Variants in CLIC2 observed in about 807,000 individuals in gnomAD.
CLIC2 encodes the protein CLIC family member 2.
In CLIC2, 9 loss-of-function variants were observed where a neutral mutation model predicts 14.8. The observed-to-expected ratio is 0.61, with a 90% CI of 0.37 to 1.06. CLIC2 has a LOEUF of 1.06. CLIC2 is among the 50% of genes least tolerant of loss of function. The pLI is 0.01. For missense variants in CLIC2, 148 were observed against 181.4 expected (o/e 0.82, Z 1.06); for synonymous variants, 61 against 66.3 (o/e 0.92, Z 0.39).
intron 1 of CLIC2, 87 bp downstream of exon 1, chrX:155,334,284 C>G (rs939787529): frequency 2.7e-6 from 2 of 753,393 alleles, no homozygotes; most frequent in South Asian, 4.2e-5. Flanking sequence ...ATCTCTAGCC[C>G]AAATGTGGAG....
chrX:155,292,606 T>A (rs2074973735), intron 3 of CLIC2: 1 of 291,459 alleles, frequency 3.4e-6, no homozygotes, highest in Non-Finnish European at 6.0e-6. Flanking sequence ...CCGTCTCTAC[T>A]AAAAATACAA....
At chrX:155,293,843 C>T (rs1460569548) in intron 3 of CLIC2, among the ~76,000 whole-genome samples, 1 of 111,189 alleles carries the variant, frequency 9.0e-6, no homozygotes, top group East Asian at 2.8e-4. Flanking sequence ...GACAGATCAA[C>T]CCAGCAAAAA....
chrX:155,310,464 T>A (rs997402734), intron 1 of CLIC2: 3 of 271,885 alleles, frequency 1.1e-5, no homozygotes, highest in Non-Finnish European at 2.2e-5. Context: ...ACACTTGCAT[T>A]TGCATTTTTC....
intron 3 of CLIC2, chrX:155,290,551 G>A: frequency 1.7e-6 from 1 of 581,401 alleles, no homozygotes. Context: ...TCTAGCAGAG[G>A]GCTCTTGCAG....
intron 1 of CLIC2, among the ~76,000 whole-genome samples, chrX:155,332,941 C>T (rs1444514832): frequency 2.7e-5 from 3 of 112,157 alleles, no homozygotes; most frequent in African/African-American, 9.7e-5. Flanking sequence ...ATGTAAAAAG[C>T]CAGTTAGGAA....
At chrX:155,289,626 G>T (rs1303103278) in intron 3 of CLIC2, among the ~76,000 whole-genome samples, 5 of 111,678 alleles carry the variant, frequency 4.5e-5, no homozygotes, top group Middle Eastern at 4.2e-3. Flanking sequence ...CCTTTTGAAT[G>T]ATATTAATTT....
chrX:155,300,406 C>T (rs1158849061), intron 1 of CLIC2, among the ~76,000 whole-genome samples: 2 of 110,925 alleles, frequency 1.8e-5, no homozygotes, highest in Non-Finnish European at 3.8e-5. Flanking sequence ...TGTCCTTTGC[C>T]CACTTTTTGA....
At chrX:155,310,789 A>G (rs1290460786) in intron 1 of CLIC2, among the ~76,000 whole-genome samples, 5 of 112,540 alleles carry the variant, frequency 4.4e-5, no homozygotes, top group African/African-American at 1.6e-4. Flanking sequence ...ATTTCCATAC[A>G]TTCTCTGAAA....
intron 3 of CLIC2, among the ~76,000 whole-genome samples, chrX:155,297,860 CAAA>C (rs200891873): frequency 0.036 from 185 of 5,117 alleles, 25 homozygotes; most frequent in African/African-American, 0.077. Flanking sequence ...ACTCCGGTCT[CAAA>C]AAAAAAAAAA....
At position 155,284,140 on chromosome X, in the gene CLIC2, C is replaced by T. The variant is rs782798826; in HGVS notation, c.294-4072G>A. On this transcript the variant is annotated intron_variant, in intron 3 of 5. Coordinates refer to ENST00000369449, the MANE Select transcript of CLIC2 (RefSeq NM_001289.6). ...TCTTCTCAGTTCTTTTGTGAGCACA[C>T]ATCTAGAAATGGGTCCATGCATAGT... Among the ~76,000 whole-genome samples the T allele has an allele frequency of 4.5e-5, 5 of 111,037 alleles. No individual in the cohort carries two copies. The South Asian group carries it at 1.9e-3, about 41-fold the overall frequency.
intron 3 of CLIC2, chrX:155,291,286 A>G: frequency 2.2e-6 from 2 of 904,015 alleles, no homozygotes; most frequent in Non-Finnish European, 1.6e-6. Flanking sequence ...CATTTTCAAT[A>G]GATATTTTCA....
chrX:155,302,810 T>C (rs1327280543), intron 1 of CLIC2, among the ~76,000 whole-genome samples: 2 of 74,743 alleles, frequency 2.7e-5, no homozygotes, highest in East Asian at 8.8e-4. Flanking sequence ...AAAGAACATC[T>C]TTATTTCTGC....
At position 155,316,162 on chromosome X, in the gene CLIC2, T is replaced by C. The variant is rs782051224; in HGVS notation, c.58-17017A>G. Among the ~76,000 whole-genome samples the C allele has an allele frequency of 1.7e-4, 19 of 111,467 alleles. No homozygotes were observed. In the East Asian group the frequency reaches 5.4e-3, roughly 32 times the overall value. ...AATGAGATAGATGGTAACACAATAA[T>C]AGTGGGGGACTTTAAGACTCTACTG... is the stretch of plus-strand genomic sequence containing the variant. On this transcript the variant is annotated intron_variant, in intron 1 of 5. Transcript: ENST00000369449.
intron 3 of CLIC2, among the ~76,000 whole-genome samples, chrX:155,285,023 T>C (rs1412453818): frequency 8.9e-6 from 1 of 112,448 alleles, no homozygotes; most frequent in Non-Finnish European, 1.9e-5. Flanking sequence ...GCCAGCCTAT[T>C]CATTGCTTTT....
chrX:155,291,785 T>C (rs1557317636), intron 3 of CLIC2, among the ~76,000 whole-genome samples: 1 of 112,588 alleles, frequency 8.9e-6, no homozygotes, highest in African/African-American at 3.2e-5. Flanking sequence ...ACACCTGTTA[T>C]ATTGGCACAG....
intron 1 of CLIC2, among the ~76,000 whole-genome samples, chrX:155,300,535 G>C (rs1162209327): frequency 1.3e-4 from 14 of 111,108 alleles, no homozygotes; most frequent in Admixed American, 3.8e-4. Flanking sequence ...GTTGCCTGTT[G>C]ACTCTGATGG....
Position 155,277,522 on chromosome X carries a change from C to T in CLIC2, c.*381G>A, listed in dbSNP as rs1217439638. 1 of 127,523 alleles carries T rather than the reference C, an allele frequency of 7.8e-6. No individual in the cohort carries two copies. The highest frequency in any genetic ancestry group is 1.6e-5 in the Non-Finnish European group (1 of 63,780). The allele number at this position is 127,523 out of a possible 1,213,427, so 10.5% of individuals were successfully genotyped here. A position where few individuals can be genotyped will look rare whatever the true frequency, so the allele number is the denominator to read the frequency against. ...TAACAAAAATGTGAAATTATTTTAG[C>T]GATTTATATGGAAATGTTTCTAAGG... On this transcript the variant is annotated 3_prime_UTR_variant, in exon 6 of 6. Coordinates refer to ENST00000369449, the MANE Select transcript of CLIC2 (RefSeq NM_001289.6).
chrX:155,291,115 A>G (rs1253654299), intron 3 of CLIC2: 1 of 989,194 alleles, frequency 1.0e-6, no homozygotes, highest in African/African-American at 1.9e-5. Context: ...TCTGGAAACC[A>G]TGCAATGAAT....
chrX:155,332,079 C>T (rs1035565529), intron 1 of CLIC2, among the ~76,000 whole-genome samples: 11 of 111,261 alleles, frequency 9.9e-5, no homozygotes, highest in African/African-American at 3.6e-4. Context: ...TTATTTCATC[C>T]CTACACTTAG....
Sources: gnomAD v4.1 joint callset for allele counts (sites outside exome capture counted in the v4.1 genomes callset) on GRCh38, gnomAD v4.1.1 for gene constraint, MANE v1.5 for transcripts, NCBI Gene and HGNC (gene_info 2026-07-23, HGNC 2026-07-21) for gene names.